STARD13: variants seen among roughly 807,000 people sequenced by gnomAD.
STARD13 encodes the protein stAR-related lipid transfer protein 13.
A neutral mutation model predicts 106.4 loss-of-function variants in STARD13; 62 were observed. The observed-to-expected ratio is 0.58, with a 90% CI of 0.48 to 0.72. The LOEUF is 0.72. STARD13 is among the 30% of genes least tolerant of loss of function. The pLI is 0.00. For missense variants in STARD13, 1,387 were observed against 1,424.0 expected (o/e 0.97, Z 0.42); for synonymous variants, 565 against 553.0 (o/e 1.02, Z -0.31).
the STARD13 span, among the ~76,000 whole-genome samples, chr13:33,615,095 G>T: frequency 1.3e-5 from 2 of 152,328 alleles, no homozygotes; most frequent in East Asian, 3.9e-4. Flanking sequence ...TAGGGTTAGA[G>T]ATATATTCTG....
At chr13:33,472,821 T>A in the STARD13 span, among the ~76,000 whole-genome samples, 1 of 152,238 alleles carries the variant, frequency 6.6e-6, no homozygotes, top group South Asian at 2.1e-4. Flanking sequence ...AGGCCTGAGG[T>A]CCAATTTAGT....
chr13:33,649,233 A>G, the STARD13 span, among the ~76,000 whole-genome samples: 136 of 152,242 alleles, frequency 8.9e-4, no homozygotes, highest in African/African-American at 3.3e-3. Flanking sequence ...TAGCTAACAC[A>G]CGTTTATTGC....
chr13:33,145,674 AT>A (rs1483801268), intron 3 of STARD13, among the ~76,000 whole-genome samples: 1 of 152,220 alleles, frequency 6.6e-6, no homozygotes, highest in Non-Finnish European at 1.5e-5. Context: ...ATACAATGGA[AT>A]ACTCAACAAT....
chr13:33,295,780 C>T (rs1222094572), intron 1 of STARD13, among the ~76,000 whole-genome samples: 1 of 151,996 alleles, frequency 6.6e-6, no homozygotes, highest in Non-Finnish European at 1.5e-5. Flanking sequence ...GTTGCAGGTG[C>T]CTAGAGGGAT....
the STARD13 span, among the ~76,000 whole-genome samples, chr13:33,488,784 A>G: frequency 6.6e-6 from 1 of 152,210 alleles, no homozygotes; most frequent in Non-Finnish European, 1.5e-5. Context: ...TTCTCTCTGT[A>G]GCCTTCTTTG....
intron 4 of STARD13, among the ~76,000 whole-genome samples, chr13:33,135,529 T>C (rs1325311029): frequency 6.6e-6 from 1 of 152,158 alleles, no homozygotes; most frequent in Non-Finnish European, 1.5e-5. Context: ...TCACAGGTAA[T>C]TTACATTTAT....
the STARD13 span, among the ~76,000 whole-genome samples, chr13:33,501,188 T>C: frequency 4.7e-5 from 7 of 147,894 alleles, no homozygotes; most frequent in African/African-American, 1.8e-4. Context: ...GCAATTCTCC[T>C]GCCTCAACCT....
At chr13:33,110,648 C>T in intron 11 of STARD13, 38 bp downstream of exon 11, 1 of 1,562,952 alleles carries the variant, frequency 6.4e-7, no homozygotes, top group Admixed American at 1.7e-5. Context: ...TTAGCTGTGG[C>T]TTTCTGGGGG....
At chr13:33,474,391 C>T in the STARD13 span, among the ~76,000 whole-genome samples, 1 of 152,168 alleles carries the variant, frequency 6.6e-6, no homozygotes, top group Non-Finnish European at 1.5e-5. Context: ...AACATGTCTG[C>T]AAGCTGCTGA....
intron 1 of STARD13, among the ~76,000 whole-genome samples, chr13:33,211,645 T>C (rs1451231131): frequency 6.6e-6 from 1 of 152,184 alleles, no homozygotes; most frequent in East Asian, 1.9e-4. Context: ...ACAATGTAAA[T>C]GCTATGTACA....
chr13:33,645,224 C>T, the STARD13 span, among the ~76,000 whole-genome samples: 24 of 152,240 alleles, frequency 1.6e-4, no homozygotes, highest in Middle Eastern at 3.4e-3. Context: ...TCATTTTGGC[C>T]CTCCTGCAGG....
the STARD13 span, among the ~76,000 whole-genome samples, chr13:33,465,726 C>A: frequency 1.3e-5 from 2 of 152,052 alleles, no homozygotes; most frequent in Admixed American, 1.3e-4. Flanking sequence ...AAGAGGCATT[C>A]CAGACTGGCT....
chr13:33,625,118 C>T, the STARD13 span, among the ~76,000 whole-genome samples: 5,279 of 152,262 alleles, frequency 0.035, 124 homozygotes, highest in Non-Finnish European at 0.053. Flanking sequence ...CAAGTCAGAG[C>T]AAGCCTAGGC....
At chr13:33,314,370 A>AT (rs1198830269) in intron 1 of STARD13, among the ~76,000 whole-genome samples, 1 of 152,172 alleles carries the variant, frequency 6.6e-6, no homozygotes, top group East Asian at 1.9e-4. Context: ...GGGCACCAAT[A>AT]GTGATTTGGA....
the STARD13 span, among the ~76,000 whole-genome samples, chr13:33,565,089 G>A: frequency 6.8e-6 from 1 of 147,198 alleles, no homozygotes; most frequent in East Asian, 2.0e-4. Context: ...AGCACAAAAA[G>A]TGAAATGGGC....
At chr13:33,132,591 CT>C (rs1271376397) in intron 4 of STARD13, among the ~76,000 whole-genome samples, 4 of 152,126 alleles carry the variant, frequency 2.6e-5, no homozygotes, top group Non-Finnish European at 5.9e-5. Context: ...TGGCTCACGC[CT>C]GTAATCTCAG....
the STARD13 span, among the ~76,000 whole-genome samples, chr13:33,531,284 T>G: frequency 6.6e-6 from 1 of 152,204 alleles, no homozygotes; most frequent in Non-Finnish European, 1.5e-5. Flanking sequence ...TTATCAGCAG[T>G]GTTGAAAACA....
intron 4 of STARD13, among the ~76,000 whole-genome samples, chr13:33,132,654 T>C (rs512310): frequency 0.33 from 49,584 of 151,974 alleles, 8,794 homozygotes; most frequent in Non-Finnish European, 0.41. Flanking sequence ...AGTTTGAGTC[T>C]AGCCTGGGCA....
At chr13:33,291,099 C>T (rs568477184) in intron 1 of STARD13, among the ~76,000 whole-genome samples, 1 of 152,270 alleles carries the variant, frequency 6.6e-6, no homozygotes, top group South Asian at 2.1e-4. Flanking sequence ...TTTTCTAATC[C>T]AACCACTCAA....
Sources: gnomAD v4.1 joint callset for allele counts (sites outside exome capture counted in the v4.1 genomes callset) on GRCh38, gnomAD v4.1.1 for gene constraint, MANE v1.5 for transcripts, NCBI Gene and HGNC (gene_info 2026-07-23, HGNC 2026-07-21) for gene names.